PVT1: variants seen among roughly 807,000 people sequenced by gnomAD.
PVT1 encodes Pvt1 oncogene.
intron 5 of PVT1, among the ~76,000 whole-genome samples, chr8:128,074,951 G>A (rs1434224470): frequency 1.3e-5 from 2 of 152,232 alleles, no homozygotes; most frequent in African/African-American, 4.8e-5. Flanking sequence ...CAGCCAAAGA[G>A]TTAGTTTCTT....
intron 2 of PVT1, among the ~76,000 whole-genome samples, chr8:127,805,625 G>A (rs189177666): frequency 1.8e-3 from 275 of 152,194 alleles, no homozygotes; most frequent in African/African-American, 6.5e-3. Flanking sequence ...TTTATTGGCA[G>A]GTATTTGTGG....
intron 2 of PVT1, among the ~76,000 whole-genome samples, chr8:127,855,882 G>A (rs1191803279): frequency 6.6e-6 from 1 of 152,246 alleles, no homozygotes; most frequent in East Asian, 1.9e-4. Flanking sequence ...CACCTGTGCA[G>A]CCGCCCTGGC....
At chr8:127,974,894 G>T (rs1400289118) in intron 3 of PVT1, among the ~76,000 whole-genome samples, 3 of 151,998 alleles carry the variant, frequency 2.0e-5, no homozygotes, top group Non-Finnish European at 4.4e-5. Flanking sequence ...GGAATAGTTT[G>T]TAGTCACTTT....
intron 6 of PVT1, among the ~76,000 whole-genome samples, chr8:128,097,675 A>C (rs1352741501): frequency 6.6e-6 from 1 of 152,154 alleles, no homozygotes; most frequent in African/African-American, 2.4e-5. Flanking sequence ...CATTCCTTGT[A>C]AACATGGAGA....
intron 4 of PVT1, among the ~76,000 whole-genome samples, chr8:128,022,432 G>T (rs1328089057): frequency 6.6e-6 from 1 of 152,178 alleles, no homozygotes; most frequent in Non-Finnish European, 1.5e-5. Flanking sequence ...TTCTGTATAG[G>T]GTGAGGATAG....
At chr8:128,032,386 A>C (rs1356243582) in intron 4 of PVT1, among the ~76,000 whole-genome samples, 2 of 152,296 alleles carry the variant, frequency 1.3e-5, no homozygotes, top group Non-Finnish European at 2.9e-5. Flanking sequence ...CAGGAAACTT[A>C]GGCTGTTCCG....
At chr8:127,995,376 C>T (rs758294328) in intron 4 of PVT1, among the ~76,000 whole-genome samples, 3 of 152,198 alleles carry the variant, frequency 2.0e-5, no homozygotes, top group Non-Finnish European at 2.9e-5. Flanking sequence ...TCACAGCATC[C>T]GGCTCCTGGG....
At chr8:127,821,582 GGGCTGATCACGAGGTCAGAA>G (rs1276582198) in intron 2 of PVT1, among the ~76,000 whole-genome samples, 1 of 152,128 alleles carries the variant, frequency 6.6e-6, no homozygotes, top group Non-Finnish European at 1.5e-5. Context: ...AGGCTGAGGT[GGGCTGATCACGAGGTCAGAA>G]GATCGAGACC....
chr8:127,917,822 G>A (rs547874856), intron 3 of PVT1, among the ~76,000 whole-genome samples: 58 of 152,374 alleles, frequency 3.8e-4, no homozygotes, highest in African/African-American at 1.2e-3. Context: ...GTTAGTCAGC[G>A]TCTGGTGGCC....
At chr8:128,024,253 G>A (rs112356431) in intron 4 of PVT1, among the ~76,000 whole-genome samples, 22 of 152,294 alleles carry the variant, frequency 1.4e-4, no homozygotes, top group African/African-American at 5.3e-4. Context: ...CCCTTCCAGG[G>A]CCCTTGGTGT....
At position 128,043,295 on chromosome 8, in the gene PVT1, G is replaced by A. The variant is rs981170097; in HGVS notation, n.913-26865G>A. On this transcript the variant is annotated intron_variant and non_coding_transcript_variant, in intron 4 of 10. Transcript: ENST00000651587. The stretch of plus-strand genomic sequence containing the variant: ...ACCCTGTGGGTTAGATCTGTAGCTG[G>A]ATAAAGCCCCCTAGGACTTCACGTT... Among the ~76,000 whole-genome samples the A allele has an allele frequency of 3.3e-5, 5 of 152,304 alleles. No homozygotes were observed. In the East Asian group the frequency reaches 9.6e-4, roughly 29 times the overall value.
chr8:127,937,817 T>A (rs1207466746), intron 3 of PVT1, among the ~76,000 whole-genome samples: 1 of 152,184 alleles, frequency 6.6e-6, no homozygotes, highest in African/African-American at 2.4e-5. Context: ...CATTATTTAT[T>A]ACCCATGGTT....
chr8:127,944,489 G>A (rs570637262), intron 3 of PVT1, among the ~76,000 whole-genome samples: 150 of 152,064 alleles, frequency 9.9e-4, no homozygotes, highest in African/African-American at 3.3e-3. Flanking sequence ...CCGGGCTGTT[G>A]TGCTACTGGC....
chr8:128,074,705 T>C (rs1158053896), intron 5 of PVT1, among the ~76,000 whole-genome samples: 1 of 152,206 alleles, frequency 6.6e-6, no homozygotes. Flanking sequence ...TTGAAAGGAT[T>C]CCGTTAGGAT....
At chr8:127,815,367 CTT>C (rs1814649160) in intron 2 of PVT1, among the ~76,000 whole-genome samples, 2 of 152,180 alleles carry the variant, frequency 1.3e-5, no homozygotes, top group African/African-American at 4.8e-5. Context: ...CCATTTAACT[CTT>C]TGTTTTGTTG....
chr8:127,992,364 A>G (rs1028810417), intron 4 of PVT1, among the ~76,000 whole-genome samples: 1 of 152,204 alleles, frequency 6.6e-6, no homozygotes, highest in Admixed American at 6.5e-5. Flanking sequence ...CAGCCTGGGC[A>G]ACAGAGCAAG....
chr8:127,797,713 A>G (rs1188380391), intron 2 of PVT1, among the ~76,000 whole-genome samples: 1 of 152,190 alleles, frequency 6.6e-6, no homozygotes, highest in Non-Finnish European at 1.5e-5. Flanking sequence ...CATGTTCTTC[A>G]CCTTCTACTC....
intron 3 of PVT1, among the ~76,000 whole-genome samples, chr8:127,956,135 C>A (rs1353800606): frequency 6.6e-6 from 1 of 152,228 alleles, no homozygotes; most frequent in Non-Finnish European, 1.5e-5. Flanking sequence ...GTGAGAAGGG[C>A]ATCTGGGACC....
intron 5 of PVT1, among the ~76,000 whole-genome samples, chr8:128,076,400 G>A (rs1298052081): frequency 6.6e-6 from 1 of 152,152 alleles, no homozygotes; most frequent in East Asian, 1.9e-4. Flanking sequence ...CTGAGACAAT[G>A]TCTCAAAGAG....
Sources: gnomAD v4.1 joint callset for allele counts (sites outside exome capture counted in the v4.1 genomes callset) on GRCh38, gnomAD v4.1.1 for gene constraint, MANE v1.5 for transcripts, NCBI Gene and HGNC (gene_info 2026-07-23, HGNC 2026-07-21) for gene names.